Variants in N4BP2 observed in about 807,000 individuals in gnomAD.
N4BP2 encodes NEDD4-binding protein 2.
N4BP2 carries 91 observed loss-of-function variants against 152.8 expected under a neutral mutation model. The observed-to-expected ratio is 0.60, with a 90% CI of 0.50 to 0.71. N4BP2 has a LOEUF of 0.71. N4BP2 is among the 30% of genes least tolerant of loss of function. N4BP2 has a pLI of 0.00. For missense variants in N4BP2, 1,923 were observed against 2,059.1 expected (o/e 0.93, Z 1.28); for synonymous variants, 646 against 705.3 (o/e 0.92, Z 1.33).
chr4:40,057,716 G>T (rs753308407), intron 1 of N4BP2, among the ~76,000 whole-genome samples: 10 of 152,210 alleles, frequency 6.6e-5, no homozygotes, highest in Admixed American at 1.3e-4. Flanking sequence ...ATCCTCAATA[G>T]AGTGAGTCAT....
chr4:40,186,752 G>C, the N4BP2 span, among the ~76,000 whole-genome samples: 1 of 152,294 alleles, frequency 6.6e-6, no homozygotes, highest in East Asian at 1.9e-4. Flanking sequence ...CTAGGACTGA[G>C]CCACCAGGAT....
In N4BP2 at chr4:40,128,676, C is replaced by T. The variant is rs375586647; in HGVS notation, c.4527+2346C>T. Among the ~76,000 whole-genome samples, 17 of 151,528 alleles carry T rather than the reference C, an allele frequency of 1.1e-4. No homozygotes were observed. The East Asian group carries it at 2.0e-3, about 17-fold the overall frequency. Reference sequence around the variant, plus strand: ...CCAAGTAGCTGGGATTACAGGCATGCGCCACCATACCCAGCTAATTTTTGT... The same window carrying T: ...CCAAGTAGCTGGGATTACAGGCATGTGCCACCATACCCAGCTAATTTTTGT... On this transcript the variant is annotated intron_variant, in intron 12 of 17. Coordinates refer to ENST00000261435, the MANE Select transcript of N4BP2 (RefSeq NM_018177.6).
Position 40,154,219 on chromosome 4 carries a change from G to A in N4BP2, c.5295G>A (p.Leu1765=). ...TCTCTGAAATTAAACCAGGGTGCTT[G>A]AAAGTCATGCTAAAGTAAAATAAAC... is the stretch of plus-strand genomic sequence containing the variant. ...FRFSEIKPGC[L]KVMLK The change falls in exon 18 of 18, where the codon TTG becomes TTA. Residue 1765 remains leucine (L), a synonymous_variant. Transcript: ENST00000261435. The A allele has an allele frequency of 1.2e-6, 2 of 1,600,616 alleles. No homozygotes were observed. Among genetic ancestry groups the A allele is most frequent in the Non-Finnish European group, 1.7e-6 (2 of 1,174,330 alleles).
chr4:40,156,155 G>C lies in N4BP2; in HGVS notation c.*1918G>C, dbSNP rs1721581392. 1 of 152,116 alleles carries C rather than the reference G, an allele frequency of 6.6e-6. No individual in the cohort carries two copies. The highest frequency in any genetic ancestry group is 2.4e-5 in the African/African-American group (1 of 41,422). The allele number at this position is 152,116 out of a possible 1,614,324, so 9.4% of individuals were successfully genotyped here. A position where few individuals can be genotyped will look rare whatever the true frequency, so the allele number is the denominator to read the frequency against. Reference sequence around the variant, plus strand: ...ATGATTTAAGGGTATGAAAAACAGTGCTAAAATGTGGAGTTAATTGGAATG... The same window carrying C: ...ATGATTTAAGGGTATGAAAAACAGTCCTAAAATGTGGAGTTAATTGGAATG... On this transcript the variant is annotated 3_prime_UTR_variant, in exon 18 of 18. Coordinates refer to ENST00000261435, the MANE Select transcript of N4BP2 (RefSeq NM_018177.6).
chr4:40,185,014 C>T, the N4BP2 span, among the ~76,000 whole-genome samples: 82 of 152,092 alleles, frequency 5.4e-4, no homozygotes, highest in African/African-American at 1.9e-3. Flanking sequence ...TTTTACTGTA[C>T]AGATAGTTTA....
intron 1 of N4BP2, among the ~76,000 whole-genome samples, chr4:40,062,977 A>T (rs1164220528): frequency 6.6e-6 from 1 of 152,160 alleles, no homozygotes; most frequent in African/African-American, 2.4e-5. Flanking sequence ...TTAAAAAATG[A>T]TGTGATTTGC....
chr4:40,108,927 C>T (rs1716594780), intron 5 of N4BP2, among the ~76,000 whole-genome samples: 2 of 151,758 alleles, frequency 1.3e-5, no homozygotes, highest in Non-Finnish European at 2.9e-5. Context: ...AGCGATTCTC[C>T]TGCCTCAGCC....
chr4:40,059,969 G>C (rs1461808713), intron 1 of N4BP2, among the ~76,000 whole-genome samples: 1 of 151,934 alleles, frequency 6.6e-6, no homozygotes, highest in African/African-American at 2.4e-5. Flanking sequence ...GTCAAACTTA[G>C]ATCTTTGTGA....
At chr4:40,068,447 G>A (rs547631550) in intron 1 of N4BP2, among the ~76,000 whole-genome samples, 19 of 152,250 alleles carry the variant, frequency 1.2e-4, no homozygotes, top group African/African-American at 4.6e-4. Context: ...TAAGTTTAAG[G>A]TCTTAGATTT....
In N4BP2 at chr4:40,121,574, C is replaced by T. The variant is rs1452171640; in HGVS notation, c.3463C>T (p.Leu1155=). Residue 1155 remains leucine, a synonymous_variant, in exon 9 of 18, where the codon CTG becomes TTG. Coordinates refer to ENST00000261435, the MANE Select transcript of N4BP2 (RefSeq NM_018177.6). ...CDGSQIGPFS[L]GLNLKEIISQ... Reference sequence around the variant, plus strand: ...TGGATCACAAATTGGGCCTTTTTCTCTGGGGTTGAATTTGAAAGAAATTAT... The same window carrying T: ...TGGATCACAAATTGGGCCTTTTTCTTTGGGGTTGAATTTGAAAGAAATTAT... 1.2e-6 allele frequency: 2 copies of T among 1,613,878 alleles called. No individual in the cohort carries two copies. The highest frequency in any genetic ancestry group is 1.3e-5 in the African/African-American group (1 of 74,868).
At chr4:40,080,880 A>G (rs1290387033) in intron 2 of N4BP2, among the ~76,000 whole-genome samples, 1 of 117,690 alleles carries the variant, frequency 8.5e-6, no homozygotes, top group African/African-American at 3.2e-5. Context: ...TTTAGCCAGG[A>G]TGGTCTCGAT....
intron 3 of N4BP2, among the ~76,000 whole-genome samples, chr4:40,097,809 A>G (rs1053493650): frequency 3.3e-5 from 5 of 152,208 alleles, no homozygotes; most frequent in African/African-American, 1.2e-4. Context: ...TTGTATAGAT[A>G]GCATATTCTG....
intron 3 of N4BP2, among the ~76,000 whole-genome samples, chr4:40,101,484 T>C (rs1483216797): frequency 6.6e-6 from 1 of 152,248 alleles, no homozygotes; most frequent in East Asian, 1.9e-4. Flanking sequence ...ATCTGTATTA[T>C]ATTACAGTGT....
At chr4:40,160,225 G>A (rs1721821999), downstream of N4BP2, among the ~76,000 whole-genome samples, 1 of 152,206 alleles carries the variant, frequency 6.6e-6, no homozygotes, top group South Asian at 2.1e-4. Flanking sequence ...ATGGCAGGAA[G>A]TACATTAGTC....
chr4:40,074,684 A>G (rs942628972), intron 2 of N4BP2, among the ~76,000 whole-genome samples: 44 of 152,286 alleles, frequency 2.9e-4, no homozygotes, highest in African/African-American at 1.0e-3. Flanking sequence ...TTTTCTATTT[A>G]ATGAGTGTTT....
the N4BP2 span, among the ~76,000 whole-genome samples, chr4:40,184,192 C>T: frequency 1.3e-5 from 2 of 152,226 alleles, no homozygotes; most frequent in African/African-American, 4.8e-5. Context: ...CTATGTTAAA[C>T]GTGGGACTTA....
rs1449673377 is a variant in N4BP2, at chr4:40,112,163, T to C, written c.1578T>C (p.Tyr526=). ...TACAGGCATGGGAAATGAAACCATA[T>C]GTTGCTTTGGTTAGTACCATAAGTT... ...TNLQAWEMKP[Y]VALSQKHKYK... The change falls in exon 6 of 18, where the codon TAT becomes TAC. Residue 526 remains tyrosine (Y), a synonymous_variant. Coordinates refer to ENST00000261435, the MANE Select transcript of N4BP2 (RefSeq NM_018177.6). 6.4e-7 allele frequency: 1 copy of C among 1,559,212 alleles called. No homozygotes were observed. The highest frequency in any genetic ancestry group is 8.8e-7 in the Non-Finnish European group (1 of 1,138,806).
At chr4:40,175,807 G>GA in the N4BP2 span, among the ~76,000 whole-genome samples, 11,670 of 63,980 alleles carry the variant, frequency 0.18, 1,087 homozygotes, top group African/African-American at 0.33. Context: ...CTCGTCTCAA[G>GA]AAAAAAAAAA....
chr4:40,113,133 A>G (rs1347370791), intron 6 of N4BP2, among the ~76,000 whole-genome samples: 1 of 152,210 alleles, frequency 6.6e-6, no homozygotes. Flanking sequence ...AGTCAGTTCT[A>G]TATTAATAGC....
Sources: gnomAD v4.1 joint callset for allele counts (sites outside exome capture counted in the v4.1 genomes callset) on GRCh38, gnomAD v4.1.1 for gene constraint, MANE v1.5 for transcripts, NCBI Gene and HGNC (gene_info 2026-07-23, HGNC 2026-07-21) for gene names.